Variants in ZNF521 observed in about 807,000 individuals in gnomAD.
ZNF521 encodes the protein zinc finger protein 521, also known as LYST-interacting protein 3.
ZNF521 carries 14 observed loss-of-function variants against 105.5 expected under a neutral mutation model. That is an observed-to-expected ratio of 0.13 (90% CI 0.09 to 0.21). The LOEUF (loss-of-function observed/expected upper bound fraction) is 0.21, where lower values mean the gene tolerates loss of function less well. Ranked by LOEUF, ZNF521 falls within the 10% of genes least tolerant of loss-of-function variation. ZNF521 has a pLI of 1.00. For synonymous variants in ZNF521, 635 were observed against 606.0 expected (o/e 1.05, Z -0.70); for missense variants, 1,233 against 1,629.7 (o/e 0.76, Z 4.19).
chr18:25,161,519 G>A (rs1402336021), intron 5 of ZNF521, among the ~76,000 whole-genome samples: 1 of 152,160 alleles, frequency 6.6e-6, no homozygotes, highest in Non-Finnish European at 1.5e-5. Flanking sequence ...GTAAAATGGT[G>A]TGTTTCCTCA....
At chr18:25,250,368 A>G (rs1429501039) in intron 3 of ZNF521, among the ~76,000 whole-genome samples, 3 of 152,220 alleles carry the variant, frequency 2.0e-5, no homozygotes, top group African/African-American at 7.2e-5. Flanking sequence ...AGATACAAAA[A>G]TTATCATCAG....
intron 3 of ZNF521, among the ~76,000 whole-genome samples, chr18:25,260,236 A>G (rs1045555510): frequency 4.6e-5 from 7 of 152,192 alleles, no homozygotes; most frequent in Non-Finnish European, 8.8e-5. Context: ...CAAAAAAAAG[A>G]AATGCTAAAA....
chr18:25,347,035 G>A (rs980322163), intron 2 of ZNF521, among the ~76,000 whole-genome samples: 4 of 152,120 alleles, frequency 2.6e-5, no homozygotes, highest in East Asian at 1.9e-4. Context: ...TAAAATGGCC[G>A]AGAAACTTCC....
intron 3 of ZNF521, among the ~76,000 whole-genome samples, chr18:25,297,486 C>T (rs953762432): frequency 1.3e-5 from 2 of 152,050 alleles, no homozygotes; most frequent in African/African-American, 4.8e-5. Context: ...TGCCAGGGTG[C>T]TTTGAAATTT....
At chr18:25,119,269 A>G (rs976847442) in intron 5 of ZNF521, among the ~76,000 whole-genome samples, 14 of 152,178 alleles carry the variant, frequency 9.2e-5, no homozygotes, top group Non-Finnish European at 2.1e-4. Flanking sequence ...GCCCCCGCCA[A>G]TGACTAGACA....
chr18:25,219,662 A>G (rs1905564036), intron 4 of ZNF521, among the ~76,000 whole-genome samples: 1 of 151,980 alleles, frequency 6.6e-6, no homozygotes, highest in Non-Finnish European at 1.5e-5. Context: ...CCAAAAATAC[A>G]AAAAATTAGC....
At chr18:25,065,946 G>A (rs965516489) in intron 7 of ZNF521, among the ~76,000 whole-genome samples, 2 of 152,192 alleles carry the variant, frequency 1.3e-5, no homozygotes, top group African/African-American at 4.8e-5. Context: ...TCATAAAGGA[G>A]TTATGTTTTG....
intron 5 of ZNF521, among the ~76,000 whole-genome samples, chr18:25,167,987 G>GC (rs561230662): frequency 1.1e-4 from 17 of 152,318 alleles, no homozygotes; most frequent in South Asian, 8.3e-4. Context: ...CAAGGTGAAA[G>GC]CCTAATGAAA....
At chr18:25,284,121 A>ACATG (rs1281380253) in intron 3 of ZNF521, among the ~76,000 whole-genome samples, 1 of 152,218 alleles carries the variant, frequency 6.6e-6, no homozygotes. Flanking sequence ...AGGTCAGGTG[A>ACATG]CATGGTGTCA....
At chr18:25,152,758 A>G (rs561383244) in intron 5 of ZNF521, among the ~76,000 whole-genome samples, 15 of 152,334 alleles carry the variant, frequency 9.8e-5, no homozygotes, top group South Asian at 2.1e-4. Context: ...GATCTGCTAC[A>G]GGTTTAATTT....
intron 5 of ZNF521, among the ~76,000 whole-genome samples, chr18:25,135,456 T>A (rs2034717064): frequency 6.6e-6 from 1 of 152,042 alleles, no homozygotes. Context: ...GACGGCTCCA[T>A]GACCAGGTTT....
At chr18:25,116,869 ACG>A (rs1491307624) in intron 5 of ZNF521, among the ~76,000 whole-genome samples, 727 of 86,786 alleles carry the variant, frequency 8.4e-3, no homozygotes, top group African/African-American at 0.027. Context: ...ATATATATAT[ACG>A]TATATATATA....
At chr18:25,228,928 T>G (rs1906353265) in intron 3 of ZNF521, among the ~76,000 whole-genome samples, 1 of 152,090 alleles carries the variant, frequency 6.6e-6, no homozygotes, top group Admixed American at 6.5e-5. Context: ...CTTTCCACTC[T>G]CCAAAGGAGC....
chr18:25,136,173 A>G (rs1323283308), intron 5 of ZNF521, among the ~76,000 whole-genome samples: 1 of 152,212 alleles, frequency 6.6e-6, no homozygotes, highest in African/African-American at 2.4e-5. Flanking sequence ...GTTTCTTTGG[A>G]AAGAAAAATT....
At chr18:25,218,931 C>T (rs956850712) in intron 4 of ZNF521, among the ~76,000 whole-genome samples, 23 of 152,028 alleles carry the variant, frequency 1.5e-4, no homozygotes, top group African/African-American at 5.3e-4. Flanking sequence ...TATTTTCTGC[C>T]TCTGCCACCC....
intron 7 of ZNF521, chr18:25,082,727 A>C: frequency 2.6e-6 from 1 of 388,864 alleles, no homozygotes; most frequent in Non-Finnish European, 5.1e-6. Flanking sequence ...CTGTAATCCC[A>C]GTTACTTGGG....
intron 5 of ZNF521, among the ~76,000 whole-genome samples, chr18:25,120,597 AAAAAACC>A (rs1567970601): frequency 0.024 from 3,095 of 130,918 alleles, 120 homozygotes; most frequent in African/African-American, 0.086. Flanking sequence ...AAAAAAAAAA[AAAAAACC>A]ACAAACAAAC....
At chr18:25,100,738 T>C (rs1293905981) in intron 5 of ZNF521, among the ~76,000 whole-genome samples, 1 of 152,156 alleles carries the variant, frequency 6.6e-6, no homozygotes, top group Non-Finnish European at 1.5e-5. Flanking sequence ...AAACAGTTTA[T>C]TGGAAATGTG....
At chr18:25,206,751 T>G (rs1252059944) in intron 4 of ZNF521, among the ~76,000 whole-genome samples, 1 of 152,180 alleles carries the variant, frequency 6.6e-6, no homozygotes, top group East Asian at 1.9e-4. Flanking sequence ...CTTGAACAGC[T>G]TTCCTACTGA....
Sources: gnomAD v4.1 joint callset for allele counts (sites outside exome capture counted in the v4.1 genomes callset) on GRCh38, gnomAD v4.1.1 for gene constraint, MANE v1.5 for transcripts, NCBI Gene and HGNC (gene_info 2026-07-23, HGNC 2026-07-21) for gene names.